SPATS2: variants seen among roughly 807,000 people sequenced by gnomAD.
SPATS2 encodes spermatogenesis associated serine rich 2.
A neutral mutation model predicts 63.7 loss-of-function variants in SPATS2; 38 were observed. That is an observed-to-expected ratio of 0.60 (90% CI 0.46 to 0.78). The LOEUF is 0.78. Ranked by LOEUF, SPATS2 falls within the 30% of genes least tolerant of loss-of-function variation. The pLI is 0.00. For synonymous variants in SPATS2, 207 were observed against 232.9 expected (o/e 0.89, Z 1.01); for missense variants, 588 against 666.2 (o/e 0.88, Z 1.29).
rs555501080 is a variant in SPATS2 at position 49,524,789 on chromosome 12, G to A, written c.1219G>A (p.Ala407Thr). The change falls in exon 13 of 14, where the codon GCC becomes ACC. Residue 407 changes from alanine (A) to threonine (T), a missense_variant. Transcript: ENST00000552918. ...CTCTGCTGCTTCCTCTTCCACCTGT[G>A]CCTCTCCTCCCAGCCTTACAAGTGC... ...DASAASSSTCASPPSLTSANK... is the reference protein window; with the variant it reads ...DASAASSSTCTSPPSLTSANK... The A allele has an allele frequency of 6.2e-7, 1 of 1,614,078 alleles. No homozygotes were observed. Among genetic ancestry groups the A allele is most frequent in the African/African-American group, 1.3e-5 (1 of 75,004 alleles).
intron 2 of SPATS2, among the ~76,000 whole-genome samples, chr12:49,373,225 C>T (rs907234273): frequency 2.0e-5 from 3 of 152,116 alleles, no homozygotes; most frequent in Non-Finnish European, 4.4e-5. Context: ...CCACCCGCCT[C>T]GGCCTCCCAA....
rs150327069 is a variant in SPATS2, at chr12:49,426,689, G to A, written c.-243-34081G>A. On this transcript the variant is annotated intron_variant, in intron 2 of 13. Coordinates refer to ENST00000552918, the MANE Select transcript of SPATS2 (RefSeq NM_023071.4). ...CTCCCGAGTAGCTGGGACTACAGGC[G>A]CCCGCCACCTCGCCCAGCTAATTTT... is the stretch of plus-strand genomic sequence containing the variant. 8.7e-3 allele frequency among the ~76,000 whole-genome samples: 1,328 copies of A among 152,060 alleles called. 5 individuals are homozygous for A. The highest frequency in any genetic ancestry group is 0.011 in the Non-Finnish European group (732 of 67,962).
At chr12:49,420,696 T>C (rs1944965072) in intron 2 of SPATS2, among the ~76,000 whole-genome samples, 1 of 152,192 alleles carries the variant, frequency 6.6e-6, no homozygotes, top group African/African-American at 2.4e-5. Context: ...CAATTCAAAG[T>C]ACCACACATA....
At chr12:49,368,978 A>G (rs555614303) in intron 1 of SPATS2, among the ~76,000 whole-genome samples, 1 of 151,720 alleles carries the variant, frequency 6.6e-6, no homozygotes, top group East Asian at 1.9e-4. Flanking sequence ...TGTTATGAAA[A>G]TTGAACAAAG....
chr12:49,483,483 A>G (rs1377612640), intron 3 of SPATS2, among the ~76,000 whole-genome samples: 1 of 152,208 alleles, frequency 6.6e-6, no homozygotes, highest in Non-Finnish European at 1.5e-5. Context: ...ACTGAAGCTT[A>G]AATACTGTTT....
chr12:49,387,663 TGTGGGAG>T (rs1944341975), intron 2 of SPATS2, among the ~76,000 whole-genome samples: 1 of 126,296 alleles, frequency 7.9e-6, no homozygotes, highest in Non-Finnish European at 1.7e-5. Context: ...AAAAAAAGAA[TGTGGGAG>T]ATGGGAGATG....
rs770485671 is a variant in SPATS2 at position 49,524,864 on chromosome 12, T to G, written c.1294T>G (p.Ser432Ala). ...AGAGACTCCTGCAGCCATAGCAAAC[T>G]CCAGTGGCCAGCCCTACCAGCCACT... ...PGETPAAIAN[S>A]SGQPYQPLRE... is the part of the protein sequence containing the mutation. The change falls in exon 13 of 14, where the codon TCC (serine) becomes GCC (alanine). Residue 432 changes from serine to alanine, a missense_variant. Ser to Ala is a moderately conservative substitution (Grantham distance 99). Coordinates refer to ENST00000552918, the MANE Select transcript of SPATS2 (RefSeq NM_023071.4). The G allele has an allele frequency of 6.2e-7, 1 of 1,612,388 alleles. No homozygotes were observed. Among genetic ancestry groups the G allele is most frequent in the Non-Finnish European group, 8.5e-7 (1 of 1,179,750 alleles).
At chr12:49,469,904 A>G (rs1946004171) in intron 3 of SPATS2, among the ~76,000 whole-genome samples, 1 of 152,048 alleles carries the variant, frequency 6.6e-6, no homozygotes, top group Admixed American at 6.6e-5. Context: ...AAAAGAAGGA[A>G]AAAACATGCA....
At chr12:49,478,863 T>C (rs919698126) in intron 3 of SPATS2, among the ~76,000 whole-genome samples, 2 of 152,186 alleles carry the variant, frequency 1.3e-5, no homozygotes, top group Admixed American at 1.3e-4. Context: ...GAATGACATA[T>C]ACAAAGAAGT....
chr12:49,427,047 G>A (rs1945090438), intron 2 of SPATS2, among the ~76,000 whole-genome samples: 1 of 152,108 alleles, frequency 6.6e-6, no homozygotes, highest in African/African-American at 2.4e-5. Flanking sequence ...CTTATGTTCA[G>A]TTTTAGTAGA....
chr12:49,523,010 A>G (rs1317316277), intron 12 of SPATS2, among the ~76,000 whole-genome samples, 157 bp downstream of exon 12: 1 of 152,170 alleles, frequency 6.6e-6, no homozygotes, highest in African/African-American at 2.4e-5. Context: ...ATGGGTGCAG[A>G]TACTTTGAAC....
chr12:49,504,050 C>G (rs1399421972), intron 9 of SPATS2, among the ~76,000 whole-genome samples: 2 of 152,196 alleles, frequency 1.3e-5, no homozygotes, highest in African/African-American at 4.8e-5. Flanking sequence ...CTTGTAGCCG[C>G]TACTTCAAGA....
intron 2 of SPATS2, among the ~76,000 whole-genome samples, chr12:49,445,068 T>C (rs1251843661): frequency 6.6e-6 from 1 of 152,224 alleles, no homozygotes; most frequent in Admixed American, 6.5e-5. Context: ...TACTTCTTCC[T>C]TTCCAATTGT....
intron 2 of SPATS2, among the ~76,000 whole-genome samples, chr12:49,429,935 C>CA (rs1321248735): frequency 6.8e-6 from 1 of 147,894 alleles, no homozygotes; most frequent in Non-Finnish European, 1.5e-5. Context: ...GACGCGCCAT[C>CA]ACGCCCAGCT....
chr12:49,396,818 G>T (rs929556956), intron 2 of SPATS2, among the ~76,000 whole-genome samples: 3 of 152,156 alleles, frequency 2.0e-5, no homozygotes, highest in Non-Finnish European at 4.4e-5. Flanking sequence ...ATGGCCTGTG[G>T]CCTAAACTCT....
intron 2 of SPATS2, among the ~76,000 whole-genome samples, chr12:49,404,270 C>T (rs1944657090): frequency 6.7e-6 from 1 of 149,048 alleles, no homozygotes; most frequent in Non-Finnish European, 1.5e-5. Flanking sequence ...TCTAGAGTTA[C>T]AGACTTTTTT....
At chr12:49,411,628 A>AT (rs1944799250) in intron 2 of SPATS2, among the ~76,000 whole-genome samples, 1 of 152,166 alleles carries the variant, frequency 6.6e-6, no homozygotes, top group Admixed American at 6.5e-5. Context: ...ATTATATTTG[A>AT]TTTTTTCCTC....
chr12:49,426,744 T>G (rs1394333170), intron 2 of SPATS2, among the ~76,000 whole-genome samples: 1 of 152,134 alleles, frequency 6.6e-6, no homozygotes, highest in East Asian at 1.9e-4. Flanking sequence ...GGGGTTTCAC[T>G]GTGTTAGCCA....
intron 4 of SPATS2, among the ~76,000 whole-genome samples, chr12:49,488,972 CATT>C (rs1946341074): frequency 1.3e-5 from 2 of 152,182 alleles, no homozygotes; most frequent in South Asian, 4.2e-4. Context: ...CAATGGGTGT[CATT>C]ATGTTTTATA....
Sources: gnomAD v4.1 joint callset for allele counts (sites outside exome capture counted in the v4.1 genomes callset) on GRCh38, gnomAD v4.1.1 for gene constraint, MANE v1.5 for transcripts, NCBI Gene and HGNC (gene_info 2026-07-23, HGNC 2026-07-21) for gene names.